The following GAN variants were observed in gnomAD, a reference collection of about 807,000 sequenced individuals.
The protein encoded by GAN is epididymis secretory sperm binding protein.
A neutral mutation model predicts 71.3 loss-of-function variants in GAN; 48 were observed. The ratio of observed to expected loss-of-function variants is 0.67; its 90% CI spans 0.53 to 0.86. GAN has a LOEUF of 0.86. GAN is among the 40% of genes least tolerant of loss of function. The pLI is 0.00. For missense variants in GAN, 928 were observed against 770.1 expected (o/e 1.21, Z -2.43); for synonymous variants, 386 against 276.8 (o/e 1.39, Z -3.92).
At chr16:81,354,219 T>C (rs1227979008) in intron 2 of GAN, among the ~76,000 whole-genome samples, 186 bp from the exon 3 acceptor site, 1 of 147,608 alleles carries the variant, frequency 6.8e-6, no homozygotes, top group Non-Finnish European at 1.5e-5. Context: ...CATTTGCTTA[T>C]GTTGGTGCCT....
intron 1 of GAN, among the ~76,000 whole-genome samples, chr16:81,323,706 T>A (rs16955018): frequency 0.026 from 3,886 of 152,300 alleles, 85 homozygotes; most frequent in East Asian, 0.088. Flanking sequence ...ACTCAAGACA[T>A]CTCAGCAGCA....
chr16:81,356,742 ATT>A, intron 3 of GAN, 41 bp from the exon 4 acceptor site: 2 of 1,303,696 alleles, frequency 1.5e-6, no homozygotes, highest in South Asian at 1.2e-5. Flanking sequence ...GATGTGTTGC[ATT>A]TTCCATTGTT....
At chr16:81,332,396 C>T (rs959913814) in intron 1 of GAN, among the ~76,000 whole-genome samples, 2 of 152,130 alleles carry the variant, frequency 1.3e-5, no homozygotes, top group South Asian at 2.1e-4. Context: ...CTACACTGGT[C>T]CTTGACTCAT....
intron 1 of GAN, among the ~76,000 whole-genome samples, chr16:81,345,915 A>C (rs1293789261): frequency 1.3e-5 from 2 of 152,216 alleles, no homozygotes; most frequent in African/African-American, 4.8e-5. Flanking sequence ...TCTCACAAGG[A>C]ATGTGCAATC....
Position 81,388,782 on chromosome 16 carries a change from C to G in GAN, c.*11186C>G, listed in dbSNP as rs1223852024. 6.6e-6 allele frequency: 1 copy of G among 152,286 alleles called. No homozygotes were observed. The highest frequency in any genetic ancestry group is 2.4e-5 in the African/African-American group (1 of 41,476). 9.4% of individuals were successfully genotyped at this position (152,286 alleles called of 1,614,324 possible). A position where few individuals can be genotyped will look rare whatever the true frequency, so the allele number is the denominator to read the frequency against. ...AGCGCAGCCCTTGTTTCCTTCTTTC[C>G]TCTTCAGCTCTGACTTAAAAACACA... On this transcript the variant is annotated 3_prime_UTR_variant, in exon 11 of 11. Transcript: ENST00000648994.
intron 1 of GAN, among the ~76,000 whole-genome samples, chr16:81,348,648 T>C (rs886363147): frequency 6.6e-6 from 1 of 152,244 alleles, no homozygotes; most frequent in African/African-American, 2.4e-5. Flanking sequence ...AGAGTAATAC[T>C]ACGTTTTCTG....
Position 81,377,677 on chromosome 16 carries a change from T to C in GAN, c.*81T>C, listed in dbSNP as rs78835723. 0.041 allele frequency: 49,648 copies of C among 1,214,872 alleles called. 1,257 individuals are homozygous for C. The highest frequency in any genetic ancestry group is 0.05 in the Non-Finnish European group (40,472 of 817,498). 75.3% of individuals were successfully genotyped at this position (1,214,872 alleles called of 1,614,324 possible). ...CGAAAGGGAGAGCAGAGATGGCAGC[T>C]GAAACTCACTCTGTGCTGGGCTTTG... is the stretch of plus-strand genomic sequence containing the variant. On this transcript the variant is annotated 3_prime_UTR_variant, in exon 11 of 11. Coordinates refer to ENST00000648994, the MANE Select transcript of GAN (RefSeq NM_022041.4).
At chr16:81,367,680 A>G (rs556312301) in intron 9 of GAN, among the ~76,000 whole-genome samples, 7 of 152,340 alleles carry the variant, frequency 4.6e-5, no homozygotes, top group East Asian at 1.9e-4. Flanking sequence ...AAACACACAT[A>G]TAACACCAAA....
At chr16:81,362,434 T>C in intron 5 of GAN, 65 bp from the exon 6 acceptor site, 1 of 816,678 alleles carries the variant, frequency 1.2e-6, no homozygotes, top group Admixed American at 1.7e-5. Flanking sequence ...TTTCTATATA[T>C]GCTGTGGCGT....
intron 5 of GAN, among the ~76,000 whole-genome samples, chr16:81,361,253 T>A (rs145019251): frequency 6.6e-6 from 1 of 152,234 alleles, no homozygotes; most frequent in East Asian, 1.9e-4. Flanking sequence ...AAAAAAATTA[T>A]TTGTAGCAAT....
chr16:81,327,990 A>G (rs1244988944), intron 1 of GAN, among the ~76,000 whole-genome samples: 1 of 152,232 alleles, frequency 6.6e-6, no homozygotes, highest in African/African-American at 2.4e-5. Context: ...ACAAGGAATC[A>G]GACTTGTTTC....
intron 1 of GAN, among the ~76,000 whole-genome samples, chr16:81,321,758 C>A (rs958329440): frequency 1.3e-5 from 2 of 152,144 alleles, no homozygotes; most frequent in Non-Finnish European, 2.9e-5. Flanking sequence ...TGTACTAAAG[C>A]TGTAATATAA....
At chr16:81,323,192 A>G (rs950543806) in intron 1 of GAN, among the ~76,000 whole-genome samples, 2 of 152,150 alleles carry the variant, frequency 1.3e-5, no homozygotes, top group Non-Finnish European at 2.9e-5. Flanking sequence ...AGTATAACAG[A>G]TAAGAGACTT....
chr16:81,316,950 C>T (rs1026261546), intron 1 of GAN, among the ~76,000 whole-genome samples: 1 of 152,162 alleles, frequency 6.6e-6, no homozygotes, highest in East Asian at 1.9e-4. Context: ...CCTCCGCCTT[C>T]CAGTTTCAAG....
intron 1 of GAN, among the ~76,000 whole-genome samples, chr16:81,322,584 T>C (rs1909255756): frequency 6.6e-6 from 1 of 152,270 alleles, no homozygotes. Context: ...TTTTTGCTCG[T>C]AGATATTTTG....
intron 1 of GAN, among the ~76,000 whole-genome samples, chr16:81,331,682 C>T (rs549085897): frequency 2.0e-5 from 3 of 152,328 alleles, no homozygotes; most frequent in African/African-American, 7.2e-5. Context: ...GCACCCCGCT[C>T]TCTAGCTTTG....
intron 5 of GAN, among the ~76,000 whole-genome samples, chr16:81,362,283 A>G (rs1163534054): frequency 1.3e-5 from 2 of 152,176 alleles, no homozygotes. Flanking sequence ...GGTGGTGGAA[A>G]TCCCCTCAAA....
intron 1 of GAN, among the ~76,000 whole-genome samples, chr16:81,318,160 AAT>A (rs1312670807): frequency 6.6e-6 from 1 of 152,192 alleles, no homozygotes; most frequent in Non-Finnish European, 1.5e-5. Flanking sequence ...ATTGAAACAA[AAT>A]ATATTTATGT....
At chr16:81,353,190 C>G (rs1470324785) in intron 2 of GAN, among the ~76,000 whole-genome samples, 1 of 150,808 alleles carries the variant, frequency 6.6e-6, no homozygotes, top group East Asian at 2.0e-4. Flanking sequence ...ACTCGGGAGG[C>G]TGAGGCAGGA....
Sources: gnomAD v4.1 joint callset for allele counts (sites outside exome capture counted in the v4.1 genomes callset) on GRCh38, gnomAD v4.1.1 for gene constraint, MANE v1.5 for transcripts, NCBI Gene and HGNC (gene_info 2026-07-23, HGNC 2026-07-21) for gene names.